The following PIK3R3 variants were observed in gnomAD, a reference collection of about 807,000 sequenced individuals.
The protein encoded by PIK3R3 is phosphatidylinositol 3-kinase regulatory subunit gamma.
In PIK3R3, 64 loss-of-function variants were observed where a neutral mutation model predicts 62.9. The observed-to-expected ratio is 1.02, with a 90% CI of 0.83 to 1.25. The LOEUF (loss-of-function observed/expected upper bound fraction) is 1.25. Among genes scored for constraint, PIK3R3 ranks in the 50% most tolerant of loss-of-function variants. The pLI, the probability that PIK3R3 is intolerant of heterozygous loss-of-function variation, is 0.00. For synonymous variants in PIK3R3, 165 were observed against 189.0 expected (o/e 0.87, Z 1.04); for missense variants, 614 against 561.6 (o/e 1.09, Z -0.94).
chr1:46,149,937 A>G, the PIK3R3 span, among the ~76,000 whole-genome samples: 1 of 152,216 alleles, frequency 6.6e-6, no homozygotes, highest in African/African-American at 2.4e-5. Flanking sequence ...AACCAAAAGT[A>G]TACTCAGTCA....
At chr1:46,134,316 G>A (rs1294237727), upstream of PIK3R3, among the ~76,000 whole-genome samples, 1 of 152,208 alleles carries the variant, frequency 6.6e-6, no homozygotes, top group African/African-American at 2.4e-5. Context: ...GATGCCCTGA[G>A]TTGAGACAGT....
chr1:46,068,725 C>T (rs1649229634), intron 3 of PIK3R3, among the ~76,000 whole-genome samples: 1 of 152,072 alleles, frequency 6.6e-6, no homozygotes, highest in South Asian at 2.1e-4. Context: ...AGCAAGAAGG[C>T]CAGTGATGCT....
At chr1:46,144,863 G>A in the PIK3R3 span, among the ~76,000 whole-genome samples, 3 of 151,948 alleles carry the variant, frequency 2.0e-5, no homozygotes, top group Non-Finnish European at 4.4e-5. Context: ...GGCGGCTCAT[G>A]GCTGTAATCC....
At chr1:46,114,890 C>T (rs548015087) in intron 1 of PIK3R3, among the ~76,000 whole-genome samples, 5 of 150,282 alleles carry the variant, frequency 3.3e-5, no homozygotes, top group Non-Finnish European at 7.4e-5. Context: ...GCTGGGATTA[C>T]AGGCATGAGC....
At position 46,056,885 on chromosome 1, in the gene PIK3R3, T is replaced by G. The variant is rs1647972133; in HGVS notation, c.765-914A>C. 2.0e-5 allele frequency: 3 copies of G among 152,358 alleles called. 1 individual carries two copies. Among genetic ancestry groups the G allele is most frequent in the Middle Eastern group, 6.8e-3 (2 of 292 alleles). 9.4% of individuals were successfully genotyped at this position (152,358 alleles called of 1,614,324 possible). A position where few individuals can be genotyped will look rare whatever the true frequency, so the allele number is the denominator to read the frequency against. Reference sequence around the variant, plus strand: ...TAACACAACAGTTAAGAACAATGGTTTTGCAATTAGCCTACCTACATCTGA... The same window carrying G: ...TAACACAACAGTTAAGAACAATGGTGTTGCAATTAGCCTACCTACATCTGA... On this transcript the variant is annotated intron_variant, in intron 6 of 9. Coordinates refer to ENST00000262741, the MANE Select transcript of PIK3R3 (RefSeq NM_003629.4).
chr1:46,083,908 T>C (rs1423272624), intron 1 of PIK3R3, among the ~76,000 whole-genome samples: 1 of 152,174 alleles, frequency 6.6e-6, no homozygotes, highest in African/African-American at 2.4e-5. Context: ...GCCCAGCAAT[T>C]TCACTCTTAC....
intron 1 of PIK3R3, among the ~76,000 whole-genome samples, chr1:46,090,582 C>T (rs1651534757): frequency 6.6e-6 from 1 of 152,068 alleles, no homozygotes; most frequent in South Asian, 2.1e-4. Context: ...ATCCACCTGC[C>T]TTGGCCTCCC....
At chr1:46,074,063 G>A (rs1487674319) in intron 3 of PIK3R3, among the ~76,000 whole-genome samples, 1 of 148,542 alleles carries the variant, frequency 6.7e-6, no homozygotes, top group Non-Finnish European at 1.5e-5. Flanking sequence ...GCCGAGGCGG[G>A]CGGATCACGA....
intron 1 of PIK3R3, among the ~76,000 whole-genome samples, chr1:46,125,812 G>C (rs936892193): frequency 6.6e-6 from 1 of 151,192 alleles, no homozygotes; most frequent in Non-Finnish European, 1.5e-5. Context: ...CCAGGCTGGA[G>C]TGCAGTGGCA....
the PIK3R3 span, among the ~76,000 whole-genome samples, chr1:46,174,511 A>C: frequency 1.3e-5 from 2 of 152,282 alleles, no homozygotes; most frequent in East Asian, 3.9e-4. Flanking sequence ...CCAGGCCACC[A>C]AAGGTCTCAG....
At chr1:46,171,581 G>A in the PIK3R3 span, among the ~76,000 whole-genome samples, 1 of 152,122 alleles carries the variant, frequency 6.6e-6, no homozygotes, top group Non-Finnish European at 1.5e-5. Context: ...TTGGAGCTGG[G>A]CTTCCGGCCA....
chr1:46,145,334 G>A, the PIK3R3 span, among the ~76,000 whole-genome samples: 1 of 150,716 alleles, frequency 6.6e-6, no homozygotes, highest in African/African-American at 2.4e-5. Flanking sequence ...TCCATTTTGT[G>A]TTGCTATAAC....
At chr1:46,105,269 C>T (rs940174904) in intron 1 of PIK3R3, 4 of 293,538 alleles carry the variant, frequency 1.4e-5, no homozygotes, top group Admixed American at 4.9e-5. Context: ...TTTGGGAGGC[C>T]GAGGAGGGCA....
Position 46,112,323 on chromosome 1 carries a change from T to C in PIK3R3, c.106+19524A>G, listed in dbSNP as rs185502831. Among the ~76,000 whole-genome samples the C allele has an allele frequency of 8.1e-4, 123 of 152,334 alleles. 1 individual carries two copies. The highest frequency in any genetic ancestry group is 2.8e-3 in the African/African-American group (116 of 41,578). ...CTCTGAGTTGCGAAATATTCCACAG[T>C]ACAGGTAAATGACAATTTATACTTC... On this transcript the variant is annotated intron_variant, in intron 1 of 9. Transcript: ENST00000262741.
intron 6 of PIK3R3, chr1:46,056,253 G>A (rs1647902344): frequency 4.2e-6 from 1 of 237,066 alleles, no homozygotes; most frequent in South Asian, 6.3e-5. Flanking sequence ...GTTTTGCCAT[G>A]TTGACCAGGC....
chr1:46,074,640 G>A (rs1085241), intron 3 of PIK3R3, among the ~76,000 whole-genome samples: 6,223 of 148,392 alleles, frequency 0.042, 453 homozygotes, highest in African/African-American at 0.15. Flanking sequence ...AGGCAATGCA[G>A]AGTCAATCCC....
At chr1:46,131,809 A>ACCCATCACGAGATTCTTTTTTTTTTTCT in intron 1 of PIK3R3, 38 bp downstream of exon 1, 1 of 1,580,584 alleles carries the variant, frequency 6.3e-7, no homozygotes, top group Non-Finnish European at 8.7e-7. Flanking sequence ...TACAAATCAG[A>ACCCATCACGAGATTCTTTTTTTTTTTCT]CCCATCACGA....
intron 1 of PIK3R3, among the ~76,000 whole-genome samples, chr1:46,098,890 C>T (rs1652392471): frequency 1.3e-5 from 2 of 151,906 alleles, no homozygotes; most frequent in Non-Finnish European, 2.9e-5. Context: ...TTTGTAGAGA[C>T]AGGGTCTCGC....
chr1:46,053,280 G>T lies in PIK3R3; in HGVS notation c.941+2515C>A, dbSNP rs553235281. Among the ~76,000 whole-genome samples, 11 of 151,760 alleles carry T rather than the reference G, an allele frequency of 7.2e-5. No individual in the cohort carries two copies. In the East Asian group the frequency reaches 9.7e-4, roughly 13 times the overall value. ...TGGTGTCACTGTTTTGTTTTCTGTGGTTTTTTTTGGTGTGTATGGTTTTTG... is the reference window on the plus strand; with the variant it reads ...TGGTGTCACTGTTTTGTTTTCTGTGTTTTTTTTTGGTGTGTATGGTTTTTG... On this transcript the variant is annotated intron_variant, in intron 7 of 9. Transcript: ENST00000262741.
Sources: gnomAD v4.1 joint callset for allele counts (sites outside exome capture counted in the v4.1 genomes callset) on GRCh38, gnomAD v4.1.1 for gene constraint, MANE v1.5 for transcripts, NCBI Gene and HGNC (gene_info 2026-07-23, HGNC 2026-07-21) for gene names.